KAT6B: variants seen among roughly 807,000 people sequenced by gnomAD.
The protein encoded by KAT6B is lysine acetyltransferase 6B.
Under a neutral mutation model 187.5 loss-of-function variants are expected in KAT6B, and 10 were observed. The observed-to-expected ratio is 0.05, with a 90% confidence interval of 0.03 to 0.09. The LOEUF is 0.09. KAT6B is among the 10% of genes least tolerant of loss of function. The probability of loss-of-function intolerance (pLI) is 1.00; values close to 1 mark genes in which losing one functional copy is unlikely to be tolerated. For missense variants in KAT6B, 1,952 were observed against 2,558.9 expected, an observed-to-expected ratio of 0.76 and a Z score of 5.12; for synonymous variants, 861 against 926.8, an observed-to-expected ratio of 0.93 and a Z score of 1.29.
rs374836691 is a variant in KAT6B at position 74,976,009 on chromosome 10, C to T, written c.1672C>T (p.Arg558Cys). 9.3e-6 allele frequency: 15 copies of T among 1,613,948 alleles called. No homozygotes were observed. The highest frequency in any genetic ancestry group is 5.3e-5 in the African/African-American group (4 of 74,882). ...SHIYTTQGQS[R>C]KKGHPSYAPP... is the part of the protein sequence containing the mutation. Reference sequence around the variant, plus strand: ...TATCTATACCACTCAGGGACAGTCTCGCAAAAAGGGACACCCGAGTTATGC... The same window carrying T: ...TATCTATACCACTCAGGGACAGTCTTGCAAAAAGGGACACCCGAGTTATGC... Residue 558 changes from arginine to cysteine, a missense_variant, in exon 8 of 18, where the codon CGC becomes TGC. By Grantham distance (180) the Arg-to-Cys change is radical. Coordinates refer to ENST00000287239, the MANE Select transcript of KAT6B (RefSeq NM_012330.4).
intron 13 of KAT6B, among the ~76,000 whole-genome samples, chr10:74,998,389 C>T (rs1843597775): frequency 6.6e-6 from 1 of 151,492 alleles, no homozygotes; most frequent in African/African-American, 2.4e-5. Context: ...TCTCTTTTTG[C>T]CTCCCTCCCC....
At chr10:74,987,073 A>C (rs1483241552) in intron 12 of KAT6B, among the ~76,000 whole-genome samples, 1 of 152,160 alleles carries the variant, frequency 6.6e-6, no homozygotes, top group Non-Finnish European at 1.5e-5. Flanking sequence ...ATTTCCTACT[A>C]TTCTGGAATA....
intron 3 of KAT6B, among the ~76,000 whole-genome samples, chr10:74,892,414 T>G (rs1241693945): frequency 1.3e-5 from 2 of 152,156 alleles, no homozygotes; most frequent in African/African-American, 2.4e-5. Context: ...TTACTAAAAT[T>G]ATCAAGATTT....
At chr10:74,917,064 C>T (rs1847744565) in intron 3 of KAT6B, among the ~76,000 whole-genome samples, 1 of 152,154 alleles carries the variant, frequency 6.6e-6, no homozygotes, top group Non-Finnish European at 1.5e-5. Flanking sequence ...GAGATCACAC[C>T]ACTGCCCTTT....
intron 6 of KAT6B, among the ~76,000 whole-genome samples, chr10:74,970,867 AT>A (rs1564596647): frequency 6.6e-6 from 1 of 152,178 alleles, no homozygotes; most frequent in African/African-American, 2.4e-5. Context: ...CTCTTAATAG[AT>A]TATAAGCATC....
chr10:74,842,142 T>A (rs890011592), intron 2 of KAT6B, among the ~76,000 whole-genome samples: 7 of 152,218 alleles, frequency 4.6e-5, no homozygotes, highest in African/African-American at 1.4e-4. Flanking sequence ...CGTATGAGAC[T>A]TGGGAAATAC....
chr10:74,982,323 C>G (rs747585215), intron 11 of KAT6B: 8 of 255,392 alleles, frequency 3.1e-5, no homozygotes, highest in Non-Finnish European at 6.1e-5. Flanking sequence ...CTGTACATAT[C>G]TCCTCAATAC....
Position 75,029,614 on chromosome 10 carries a change from G to A in KAT6B, c.4790G>A (p.Ser1597Asn), listed in dbSNP as rs774479133. ...TLDDCQQSDH[S>N]SPVSSVHSHP... ...GACGATTGCCAACAGTCGGACCACA[G>A]TAGCCCAGTTTCATCCGTCCACTCC... The change falls in exon 18 of 18, where the codon AGT (serine) becomes AAT (asparagine). Residue 1597 changes from serine (S) to asparagine (N), a missense_variant. Physicochemically the swap from Ser to Asn is conservative, Grantham distance 46. Around this residue, in one of 9 missense-constraint regions of KAT6B, gnomAD observed 758 missense variants for 891.4 expected, o/e 0.85. Coordinates refer to ENST00000287239, the MANE Select transcript of KAT6B (RefSeq NM_012330.4). This position sits in a 1 kb window ranked among gnomAD's most constrained non-coding sequence, Gnocchi z 6.2. 1 of 1,614,110 alleles carries A rather than the reference G, an allele frequency of 6.2e-7. No homozygotes were observed. The highest frequency in any genetic ancestry group is 8.5e-7 in the Non-Finnish European group (1 of 1,180,022).
intron 1 of KAT6B, among the ~76,000 whole-genome samples, chr10:74,831,056 T>C (rs1487593932): frequency 6.6e-6 from 1 of 152,044 alleles, no homozygotes; most frequent in Admixed American, 6.6e-5. Flanking sequence ...CCCAAAGTGC[T>C]GGGATTACAG....
intron 3 of KAT6B, among the ~76,000 whole-genome samples, chr10:74,944,081 G>A (rs1040216802): frequency 9.2e-5 from 14 of 152,178 alleles, no homozygotes; most frequent in African/African-American, 3.1e-4. Context: ...GAGAAGGAGG[G>A]CAACAAAGCA....
At chr10:74,892,628 C>G (rs909563978) in intron 3 of KAT6B, among the ~76,000 whole-genome samples, 2 of 152,026 alleles carry the variant, frequency 1.3e-5, no homozygotes, top group Non-Finnish European at 2.9e-5. Context: ...GAGCTCTTGC[C>G]TGGGGGAGGT....
chr10:74,962,063 G>A (rs760301917), intron 4 of KAT6B, among the ~76,000 whole-genome samples: 5 of 152,156 alleles, frequency 3.3e-5, no homozygotes, highest in Admixed American at 6.5e-5. Context: ...TCTGCGATGG[G>A]ATCCGGCTCT....
chr10:74,961,217 T>C (rs527260143), intron 4 of KAT6B, among the ~76,000 whole-genome samples: 1 of 152,342 alleles, frequency 6.6e-6, no homozygotes, highest in Non-Finnish European at 1.5e-5. Flanking sequence ...TTCAGTTTAA[T>C]ACATTTCAGC....
At chr10:74,944,667 G>A (rs1328053110) in intron 3 of KAT6B, among the ~76,000 whole-genome samples, 1 of 152,086 alleles carries the variant, frequency 6.6e-6, no homozygotes, top group African/African-American at 2.4e-5. Flanking sequence ...AAATTAGCCG[G>A]GCGTAGTGGC....
At chr10:74,926,303 A>G (rs904720255) in intron 3 of KAT6B, among the ~76,000 whole-genome samples, 1 of 152,168 alleles carries the variant, frequency 6.6e-6, no homozygotes, top group Non-Finnish European at 1.5e-5. Context: ...AAAATACAAA[A>G]ATTAGCTGGG....
Position 75,029,168 on chromosome 10 carries a change from C to T in KAT6B, c.4344C>T (p.Ser1448=), listed in dbSNP as rs1402730737. Residue 1448 remains serine (S), a synonymous_variant, in exon 18 of 18, where the codon AGC becomes AGT. Transcript: ENST00000287239. This position sits in a 1 kb window ranked among gnomAD's most constrained non-coding sequence, Gnocchi z 6.2. The part of the protein sequence containing the change: ...EVEKEELPRE[S]FKEVLENQET... ...AGAAGGAAGAGCTGCCCAGAGAAAG[C>T]TTCAAAGAAGTACTGGAAAACCAGG... 1 of 1,614,022 alleles carries T rather than the reference C, an allele frequency of 6.2e-7. No individual in the cohort carries two copies. Among genetic ancestry groups the T allele is most frequent in the Non-Finnish European group, 8.5e-7 (1 of 1,180,040 alleles).
At chr10:74,896,091 G>A (rs140567482) in intron 3 of KAT6B, among the ~76,000 whole-genome samples, 1 of 151,916 alleles carries the variant, frequency 6.6e-6, no homozygotes, top group Non-Finnish European at 1.5e-5. Flanking sequence ...CCAGTCAGCT[G>A]CTTTTCTCTC....
chr10:75,006,842 G>A (rs1025171024), intron 13 of KAT6B, among the ~76,000 whole-genome samples: 8 of 34,318 alleles, frequency 2.3e-4, no homozygotes, highest in Non-Finnish European at 3.3e-4. Flanking sequence ...CGAGGCAGGC[G>A]GATTGCCTGA....
At chr10:74,907,054 T>C (rs1444363183) in intron 3 of KAT6B, among the ~76,000 whole-genome samples, 4 of 152,216 alleles carry the variant, frequency 2.6e-5, no homozygotes, top group African/African-American at 9.6e-5. Flanking sequence ...CAGTTGAGAT[T>C]CCACTGTGAT....
Sources: gnomAD v4.1 joint callset for allele counts (sites outside exome capture counted in the v4.1 genomes callset) on GRCh38, gnomAD v4.1.1 for gene constraint, gnomAD v4.1.1 regional missense constraint, Gnocchi (gnomAD v3.1) non-coding constraint, MANE v1.5 for transcripts, NCBI Gene and HGNC (gene_info 2026-07-23, HGNC 2026-07-21) for gene names.